PPARGC1A: variants seen among roughly 807,000 people sequenced by gnomAD.
PPARGC1A encodes the protein PPARG coactivator 1 alpha, also known as peroxisome proliferator-activated receptor gamma coactivator 1-alpha.
In PPARGC1A, 25 loss-of-function variants were observed where a neutral mutation model predicts 88.7. The observed-to-expected ratio is 0.28, with a 90% CI of 0.21 to 0.39. PPARGC1A has a LOEUF of 0.39. Ranked by LOEUF, PPARGC1A falls within the 10% of genes least tolerant of loss-of-function variation. The probability of loss-of-function intolerance (pLI) is 1.00; values close to 1 mark genes in which losing one functional copy is unlikely to be tolerated. For synonymous variants in PPARGC1A, 363 were observed against 355.6 expected (o/e 1.02, Z -0.24); for missense variants, 880 against 968.7 (o/e 0.91, Z 1.22).
intron 10 of PPARGC1A, among the ~76,000 whole-genome samples, chr4:23,811,413 A>G (rs780701729): frequency 2.6e-5 from 4 of 152,234 alleles, no homozygotes; most frequent in Non-Finnish European, 4.4e-5. Context: ...CTGAGTGGCT[A>G]GCACACAGGG....
At chr4:23,994,530 T>C in the PPARGC1A span, among the ~76,000 whole-genome samples, 3 of 152,058 alleles carry the variant, frequency 2.0e-5, no homozygotes, top group African/African-American at 4.8e-5. Context: ...ACACAACTAA[T>C]ATAGCACTAA....
At chr4:24,069,998 C>A in the PPARGC1A span, among the ~76,000 whole-genome samples, 2 of 152,114 alleles carry the variant, frequency 1.3e-5, no homozygotes, top group Non-Finnish European at 2.9e-5. Context: ...CACTTTCTAC[C>A]ATAGTGACTT....
chr4:24,434,489 C>T, the PPARGC1A span, among the ~76,000 whole-genome samples: 176 of 152,288 alleles, frequency 1.2e-3, 1 homozygote, highest in African/African-American at 3.9e-3. Context: ...TATCTTCTGG[C>T]GGACTCAGTG....
chr4:24,077,905 T>C, the PPARGC1A span, among the ~76,000 whole-genome samples: 4 of 152,046 alleles, frequency 2.6e-5, no homozygotes, highest in Non-Finnish European at 4.4e-5. Flanking sequence ...AGAGAGTTTT[T>C]TTCTCTGTTT....
the PPARGC1A span, among the ~76,000 whole-genome samples, chr4:24,091,305 T>C: frequency 6.6e-6 from 1 of 152,206 alleles, no homozygotes; most frequent in Non-Finnish European, 1.5e-5. Flanking sequence ...GGGTCTTACT[T>C]GCATGGTTTG....
the PPARGC1A span, among the ~76,000 whole-genome samples, chr4:24,239,097 T>G: frequency 6.6e-6 from 1 of 152,098 alleles, no homozygotes; most frequent in African/African-American, 2.4e-5. Context: ...AATCAGAAAT[T>G]TAGGTTTCTT....
the PPARGC1A span, among the ~76,000 whole-genome samples, chr4:24,055,287 G>T: frequency 6.6e-6 from 1 of 152,258 alleles, no homozygotes; most frequent in Middle Eastern, 3.4e-3. Flanking sequence ...CCTGTTCAGG[G>T]TACTGTATAA....
chr4:23,964,936 A>G, the PPARGC1A span, among the ~76,000 whole-genome samples: 1 of 152,162 alleles, frequency 6.6e-6, no homozygotes, highest in African/African-American at 2.4e-5. Flanking sequence ...TCTTTAGGAT[A>G]CCACTTACAA....
At chr4:24,181,271 C>T in the PPARGC1A span, among the ~76,000 whole-genome samples, 12 of 152,168 alleles carry the variant, frequency 7.9e-5, no homozygotes, top group Non-Finnish European at 1.5e-4. Context: ...CAGCGAAAAA[C>T]ACAGGTTCAA....
chr4:24,436,469 G>C, the PPARGC1A span, among the ~76,000 whole-genome samples: 1 of 150,830 alleles, frequency 6.6e-6, no homozygotes, highest in East Asian at 1.9e-4. Context: ...CCATAGCCCT[G>C]GTCACACAGC....
chr4:24,326,068 G>T, the PPARGC1A span, among the ~76,000 whole-genome samples: 1 of 151,954 alleles, frequency 6.6e-6, no homozygotes, highest in African/African-American at 2.4e-5. Context: ...AGCCTCCTTT[G>T]CATCCTCCTC....
At chr4:23,901,360 A>C (rs1194684629), upstream of PPARGC1A, among the ~76,000 whole-genome samples, 1 of 131,904 alleles carries the variant, frequency 7.6e-6, no homozygotes, top group Non-Finnish European at 1.6e-5. Context: ...ACACAGCAAG[A>C]CTCCGTCTCA....
chr4:24,222,054 C>T, the PPARGC1A span, among the ~76,000 whole-genome samples: 4 of 152,130 alleles, frequency 2.6e-5, no homozygotes, highest in African/African-American at 9.7e-5. Flanking sequence ...ACAAGAGAAG[C>T]ATGTAATTCA....
chr4:24,410,031 T>C, the PPARGC1A span, among the ~76,000 whole-genome samples: 1 of 152,218 alleles, frequency 6.6e-6, no homozygotes, highest in Non-Finnish European at 1.5e-5. Flanking sequence ...TGTGTACTGC[T>C]GTATCAAGAA....
At chr4:24,341,454 T>C in the PPARGC1A span, among the ~76,000 whole-genome samples, 1 of 152,054 alleles carries the variant, frequency 6.6e-6, no homozygotes, top group African/African-American at 2.4e-5. Flanking sequence ...ATAAACAAAA[T>C]CAACACAGTC....
chr4:23,952,914 T>C, the PPARGC1A span, among the ~76,000 whole-genome samples: 1 of 152,078 alleles, frequency 6.6e-6, no homozygotes, highest in Non-Finnish European at 1.5e-5. Flanking sequence ...ATAGATTCTA[T>C]GTCCTGAAGA....
chr4:24,139,197 G>C, the PPARGC1A span, among the ~76,000 whole-genome samples: 6 of 151,488 alleles, frequency 4.0e-5, no homozygotes, highest in Admixed American at 3.3e-4. Flanking sequence ...GCAGTGGTGC[G>C]ATCTCATCTC....
At chr4:24,061,266 C>T in the PPARGC1A span, among the ~76,000 whole-genome samples, 3 of 152,194 alleles carry the variant, frequency 2.0e-5, no homozygotes, top group Admixed American at 6.5e-5. Flanking sequence ...TTCACGGTGC[C>T]GAAGAACAGC....
chr4:24,443,270 T>TAA, the PPARGC1A span, among the ~76,000 whole-genome samples: 2 of 116,210 alleles, frequency 1.7e-5, no homozygotes, highest in African/African-American at 6.1e-5. Context: ...TTTTTTTTTT[T>TAA]AAATAATATA....
Sources: gnomAD v4.1 joint callset for allele counts (sites outside exome capture counted in the v4.1 genomes callset) on GRCh38, gnomAD v4.1.1 for gene constraint, MANE v1.5 for transcripts, NCBI Gene and HGNC (gene_info 2026-07-23, HGNC 2026-07-21) for gene names.